SLC39A11: variants seen among roughly 807,000 people sequenced by gnomAD.
SLC39A11 encodes the protein zinc transporter ZIP11.
A neutral mutation model predicts 36.1 loss-of-function variants in SLC39A11; 33 were observed. The ratio of observed to expected loss-of-function variants is 0.91; its 90% confidence interval spans 0.69 to 1.22. SLC39A11 has a LOEUF of 1.22. SLC39A11 is among the 50% of genes most tolerant of loss of function. SLC39A11 has a pLI of 0.00. For missense variants in SLC39A11, 432 were observed against 430.3 expected (o/e 1.00, Z -0.03); for synonymous variants, 166 against 170.3 (o/e 0.97, Z 0.20).
chr17:72,653,096 C>T (rs2069929337), intron 7 of SLC39A11, among the ~76,000 whole-genome samples: 1 of 143,198 alleles, frequency 7.0e-6, no homozygotes, highest in Admixed American at 7.3e-5. Context: ...TCTTCTGTTG[C>T]ACGCTTTTTT....
intron 4 of SLC39A11, among the ~76,000 whole-genome samples, chr17:72,972,952 A>G (rs963311748): frequency 2.0e-5 from 3 of 151,936 alleles, no homozygotes; most frequent in Non-Finnish European, 4.4e-5. Flanking sequence ...AGGAAGGAAA[A>G]GGATGCTGTG....
chr17:72,993,715 T>A (rs1347464791), intron 4 of SLC39A11, among the ~76,000 whole-genome samples: 1 of 152,220 alleles, frequency 6.6e-6, no homozygotes, highest in African/African-American at 2.4e-5. Context: ...CACACTGTTG[T>A]AATTACCAAA....
At chr17:72,887,204 G>C (rs535590617) in intron 5 of SLC39A11, among the ~76,000 whole-genome samples, 1 of 152,206 alleles carries the variant, frequency 6.6e-6, no homozygotes, top group Non-Finnish European at 1.5e-5. Flanking sequence ...ATGAGTGAGT[G>C]AATGAATAAA....
intron 5 of SLC39A11, among the ~76,000 whole-genome samples, chr17:72,907,474 A>AGTGACGGAGC (rs1435689369): frequency 3.3e-5 from 5 of 152,214 alleles, no homozygotes; most frequent in Non-Finnish European, 7.3e-5. Flanking sequence ...CACGTGACAG[A>AGTGACGGAGC]GTGACGGAGC....
At chr17:72,938,792 G>C (rs1219442874) in intron 5 of SLC39A11, among the ~76,000 whole-genome samples, 1 of 152,152 alleles carries the variant, frequency 6.6e-6, no homozygotes, top group Non-Finnish European at 1.5e-5. Context: ...ATAGACTTAT[G>C]AGCTGAAATG....
intron 5 of SLC39A11, among the ~76,000 whole-genome samples, chr17:72,851,310 G>C (rs900992701): frequency 6.6e-6 from 1 of 152,186 alleles, no homozygotes; most frequent in African/African-American, 2.4e-5. Context: ...GCCAAATTGT[G>C]TGGATTTGAA....
chr17:73,023,120 C>A (rs1459853888), intron 4 of SLC39A11, among the ~76,000 whole-genome samples: 1 of 152,180 alleles, frequency 6.6e-6, no homozygotes, highest in Non-Finnish European at 1.5e-5. Flanking sequence ...GCATAGCCAG[C>A]CAGCCCACTG....
At chr17:72,849,443 T>C (rs1019172783) in intron 6 of SLC39A11, among the ~76,000 whole-genome samples, 191 bp downstream of exon 6, 1 of 152,070 alleles carries the variant, frequency 6.6e-6, no homozygotes, top group Non-Finnish European at 1.5e-5. Flanking sequence ...GAATGGGAAG[T>C]TTTCACATAT....
At chr17:73,083,081 G>A (rs7215177) in intron 3 of SLC39A11, among the ~76,000 whole-genome samples, 71,896 of 149,620 alleles carry the variant, frequency 0.48, 17,674 homozygotes, top group East Asian at 0.68. Flanking sequence ...CACTTTCTCC[G>A]TGCCAGCACC....
intron 5 of SLC39A11, among the ~76,000 whole-genome samples, chr17:72,862,052 T>C (rs974155335): frequency 1.3e-5 from 2 of 152,062 alleles, no homozygotes; most frequent in African/African-American, 2.4e-5. Context: ...CCCATTCAAA[T>C]GCAGCTCCTA....
intron 6 of SLC39A11, among the ~76,000 whole-genome samples, chr17:72,773,016 G>A (rs1263436007): frequency 4.6e-5 from 7 of 152,158 alleles, no homozygotes; most frequent in African/African-American, 2.4e-5. Context: ...AACTTGGGAG[G>A]TGGAGGTTGC....
chr17:72,926,672 C>T lies in SLC39A11; in HGVS notation c.430+21080G>A, dbSNP rs190585741. ...AATAATGCCATCATTCCAAGTTGAC[C>T]ATTTCCAGGGAGCCCAATCTCGTTT... is the stretch of plus-strand genomic sequence containing the variant. On this transcript the variant is annotated intron_variant, in intron 5 of 9. Coordinates refer to ENST00000255559, the MANE Select transcript of SLC39A11 (RefSeq NM_139177.4). Among the ~76,000 whole-genome samples the T allele has an allele frequency of 4.6e-5, 7 of 152,102 alleles. No individual in the cohort carries two copies. In the East Asian group the frequency reaches 5.8e-4, roughly 13 times the overall value.
At chr17:72,975,871 G>T (rs1309662094) in intron 4 of SLC39A11, among the ~76,000 whole-genome samples, 1 of 152,084 alleles carries the variant, frequency 6.6e-6, no homozygotes, top group Non-Finnish European at 1.5e-5. Flanking sequence ...GAGAAAACAA[G>T]AATGAAAATG....
intron 7 of SLC39A11, among the ~76,000 whole-genome samples, chr17:72,655,099 C>T (rs868014661): frequency 1.2e-4 from 18 of 152,246 alleles, no homozygotes; most frequent in Admixed American, 2.0e-4. Flanking sequence ...CATTGCTGGG[C>T]GGTCAGAGTC....
intron 3 of SLC39A11, among the ~76,000 whole-genome samples, chr17:73,035,221 A>G (rs551426054): frequency 3.3e-5 from 5 of 152,284 alleles, no homozygotes; most frequent in Admixed American, 3.3e-4. Flanking sequence ...TGCAACCTCC[A>G]TCTCCGCCTC....
At chr17:72,833,657 C>A (rs2078382860) in intron 6 of SLC39A11, among the ~76,000 whole-genome samples, 1 of 152,168 alleles carries the variant, frequency 6.6e-6, no homozygotes, top group African/African-American at 2.4e-5. Context: ...CTGACATAGA[C>A]CAATGATGTT....
intron 6 of SLC39A11, among the ~76,000 whole-genome samples, chr17:72,828,807 A>G (rs748448034): frequency 7.9e-5 from 12 of 152,130 alleles, no homozygotes; most frequent in East Asian, 3.9e-4. Context: ...CTGCTCTCTG[A>G]CACCGCTCCA....
intron 4 of SLC39A11, among the ~76,000 whole-genome samples, chr17:73,011,718 GC>G (rs1323433509): frequency 6.7e-6 from 1 of 149,794 alleles, no homozygotes; most frequent in Non-Finnish European, 1.5e-5. Context: ...CTGGAGTGCA[GC>G]GGCGCGATCT....
chr17:72,986,220 C>G (rs2088739426), intron 4 of SLC39A11, among the ~76,000 whole-genome samples: 1 of 152,172 alleles, frequency 6.6e-6, no homozygotes, highest in African/African-American at 2.4e-5. Flanking sequence ...AGTAAGACTC[C>G]AGGGTCCCCC....
Sources: gnomAD v4.1 joint callset for allele counts (sites outside exome capture counted in the v4.1 genomes callset) on GRCh38, gnomAD v4.1.1 for gene constraint, MANE v1.5 for transcripts, NCBI Gene and HGNC (gene_info 2026-07-23, HGNC 2026-07-21) for gene names.